Variants in BATF2 observed in about 807,000 individuals in gnomAD.
BATF2 encodes basic leucine zipper transcriptional factor ATF-like 2.
A neutral mutation model predicts 7.3 loss-of-function variants in BATF2; 4 were observed. The ratio of observed to expected loss-of-function variants is 0.55; its 90% CI spans 0.27 to 1.26. The LOEUF (loss-of-function observed/expected upper bound fraction) is 1.26. Ranked by LOEUF, BATF2 falls within the 50% of genes most tolerant of loss-of-function variation. The pLI is 0.11. For missense variants in BATF2, 295 were observed against 340.5 expected (o/e 0.87, Z 1.05); for synonymous variants, 152 against 153.9 (o/e 0.99, Z 0.09).
chr11:64,988,303 A>G lies in BATF2; in HGVS notation c.*826T>C, dbSNP rs1946040236. On this transcript the variant is annotated 3_prime_UTR_variant, in exon 3 of 3. Transcript: ENST00000301887. ...CAGGTACAAGCCCATCCCTGCCTGC[A>G]AATAACCTTGCACAGGGTCCTTCCT... 1 of 152,330 alleles carries G rather than the reference A, an allele frequency of 6.6e-6. No homozygotes were observed. The highest frequency in any genetic ancestry group is 1.9e-4 in the East Asian group (1 of 5,204). 9.4% of individuals were successfully genotyped at this position (152,330 alleles called of 1,614,324 possible). A position where few individuals can be genotyped will look rare whatever the true frequency, so the allele number is the denominator to read the frequency against.
At chr11:64,993,663 C>G (rs1199608584) in intron 2 of BATF2, among the ~76,000 whole-genome samples, 1 of 152,190 alleles carries the variant, frequency 6.6e-6, no homozygotes, top group Non-Finnish European at 1.5e-5. Context: ...CATTTTAACC[C>G]TGAACCAGAG....
intron 2 of BATF2, among the ~76,000 whole-genome samples, chr11:64,991,593 A>T (rs1435310926): frequency 6.6e-6 from 1 of 152,180 alleles, no homozygotes. Context: ...AGGCTCAAGG[A>T]GTAACAATTT....
intron 1 of BATF2, among the ~76,000 whole-genome samples, chr11:64,995,427 G>A (rs1416028266): frequency 6.6e-6 from 1 of 152,212 alleles, no homozygotes; most frequent in Non-Finnish European, 1.5e-5. Context: ...CACCTACTAT[G>A]TTCCAGGCAG....
At position 64,996,917 on chromosome 11, in the gene BATF2, C is replaced by G. The variant is rs1339018157; in HGVS notation, c.-3G>C. On this transcript the variant is annotated 5_prime_UTR_variant, in exon 1 of 3. Transcript: ENST00000301887. ...CCATTGCCCCCACAGAGGTGCATGGCTTAGGCGGGGGAGCAGAGTGGTCCC... is the reference window on the plus strand; with the variant it reads ...CCATTGCCCCCACAGAGGTGCATGGGTTAGGCGGGGGAGCAGAGTGGTCCC... 3 of 1,597,528 alleles carry G rather than the reference C, an allele frequency of 1.9e-6. No individual in the cohort carries two copies. Among genetic ancestry groups the G allele is most frequent in the Non-Finnish European group, 1.7e-6 (2 of 1,170,976 alleles).
chr11:64,990,733 A>G, intron 2 of BATF2: 1 of 638,486 alleles, frequency 1.6e-6, no homozygotes, highest in Non-Finnish European at 1.9e-6. Flanking sequence ...TTTTCTGGAC[A>G]CTTTGAAAGA....
At chr11:64,990,024 C>T (rs10897540) in intron 2 of BATF2, 90,829 of 1,536,238 alleles carry the variant, frequency 0.059, 6,283 homozygotes, top group Admixed American at 0.28. Context: ...GGCTCAGATC[C>T]GCCTGCTGTC....
At chr11:64,990,288 C>A in intron 2 of BATF2, 1 of 1,507,062 alleles carries the variant, frequency 6.6e-7, no homozygotes, top group East Asian at 2.5e-5. Context: ...CCCCTCCCTT[C>A]CTGACCCTCA....
At chr11:64,995,162 G>A (rs1946101868) in intron 1 of BATF2, among the ~76,000 whole-genome samples, 1 of 152,072 alleles carries the variant, frequency 6.6e-6, no homozygotes, top group African/African-American at 2.4e-5. Flanking sequence ...GCCCAGCCGA[G>A]CCCCATATTC....
In BATF2 at chr11:64,996,597, G is replaced by T. The variant is rs1021638740; in HGVS notation, c.39+279C>A. 5.3e-5 allele frequency among the ~76,000 whole-genome samples: 8 copies of T among 152,312 alleles called. No individual in the cohort carries two copies. In the East Asian group the frequency reaches 1.5e-3, roughly 29 times the overall value. On this transcript the variant is annotated intron_variant, in intron 1 of 2. Coordinates refer to ENST00000301887, the MANE Select transcript of BATF2 (RefSeq NM_138456.4). ...AGGCTGCTGTGAGTGTAGTGAGGGG[G>T]GACCAGGTACGTTAGGAGAGAGCAA...
chr11:64,990,358 C>T, intron 2 of BATF2: 2 of 1,449,004 alleles, frequency 1.4e-6, no homozygotes. Flanking sequence ...CCTTCCGCCG[C>T]CCTTCTCTGT....
At chr11:64,990,355 C>A (rs1946066447) in intron 2 of BATF2, 1 of 1,449,252 alleles carries the variant, frequency 6.9e-7, no homozygotes, top group Non-Finnish European at 9.1e-7. Flanking sequence ...CACCCTTCCG[C>A]CGCCCTTCTC....
chr11:64,988,157 C>T lies in BATF2; in HGVS notation c.*972G>A, dbSNP rs965366203. 1 of 152,360 alleles carries T rather than the reference C, an allele frequency of 6.6e-6. No individual in the cohort carries two copies. The highest frequency in any genetic ancestry group is 1.9e-4 in the East Asian group (1 of 5,188). 9.4% of individuals were successfully genotyped at this position (152,360 alleles called of 1,614,324 possible). ...TGAAGCAGACACCAAAACTGAACTT[C>T]CACCCGGTCATGGGCCCTGCTCTTC... On this transcript the variant is annotated 3_prime_UTR_variant, in exon 3 of 3. Transcript: ENST00000301887.
At chr11:64,990,800 C>CT (rs1214001389) in intron 2 of BATF2, among the ~76,000 whole-genome samples, 5 of 151,422 alleles carry the variant, frequency 3.3e-5, no homozygotes, top group Non-Finnish European at 7.4e-5. Flanking sequence ...ACTCAAAGTT[C>CT]TTTTTTTTGA....
intron 2 of BATF2, 54 bp downstream of exon 2, chr11:64,994,394 C>T: frequency 6.6e-7 from 1 of 1,512,068 alleles, no homozygotes; most frequent in Non-Finnish European, 9.0e-7. Flanking sequence ...GAAGAGGTGG[C>T]TGGGCCAGTA....
Position 64,989,490 on chromosome 11 carries a change from G to A in BATF2, c.464C>T (p.Ser155Leu). Residue 155 changes from serine (S) to leucine (L), a missense_variant, in exon 3 of 3, where the codon TCA becomes TTA. Transcript: ENST00000301887. This position sits in a 1 kb window ranked among gnomAD's most constrained non-coding sequence, Gnocchi z 4.3. Reference protein sequence around the residue: ...SPSLLQCPLPSLSLGPAVVAE... With the variant: ...SPSLLQCPLPLLSLGPAVVAE... ...AACCACAGCGGGGCCAAGGGACAGT[G>A]AGGGCAGGGGGCACTGGAGGAGGCT... 6.2e-7 allele frequency: 1 copy of A among 1,608,712 alleles called. No individual in the cohort carries two copies. The highest frequency in any genetic ancestry group is 8.5e-7 in the Non-Finnish European group (1 of 1,177,514).
At position 64,994,450 on chromosome 11, in the gene BATF2, G is replaced by C. The variant is rs199793909; in HGVS notation, c.139C>G (p.Gln47Glu). ...KHTDKADALH[Q>E]QHESLEKDNL... ...AAGGGGTTAGGGGTTGTCCACACCT[G>C]GTGCAGGGCGTCTGCCTTGTCTGTG... is the stretch of plus-strand genomic sequence containing the variant. Residue 47 changes from glutamine (Q) to glutamate (E), a missense_variant and splice_region_variant, in exon 2 of 3, where the codon CAG becomes GAG. Transcript: ENST00000301887. 2 of 1,578,040 alleles carry C rather than the reference G, an allele frequency of 1.3e-6. No homozygotes were observed. The highest frequency in any genetic ancestry group is 1.7e-6 in the Non-Finnish European group (2 of 1,161,484).
intron 1 of BATF2, among the ~76,000 whole-genome samples, chr11:64,995,655 G>A (rs1380665345): frequency 6.6e-6 from 1 of 152,226 alleles, no homozygotes; most frequent in Non-Finnish European, 1.5e-5. Context: ...GTCAGAGCAA[G>A]AGGGACTGTT....
At chr11:64,996,792 C>G (rs1484501480) in intron 1 of BATF2, 84 bp downstream of exon 1, 1 of 1,549,496 alleles carries the variant, frequency 6.5e-7, no homozygotes, top group Non-Finnish European at 8.9e-7. Flanking sequence ...TAGGAGCTCC[C>G]GACTGCAGCC....
intron 2 of BATF2, among the ~76,000 whole-genome samples, chr11:64,994,151 T>C (rs1946094823): frequency 6.6e-6 from 1 of 152,162 alleles, no homozygotes; most frequent in South Asian, 2.1e-4. Context: ...GGGGTCTCCC[T>C]ATTTGCCTCC....
Sources: allele counts gnomAD v4.1 joint callset (sites outside exome capture counted in the v4.1 genomes callset), GRCh38; gene constraint gnomAD v4.1.1; non-coding constraint Gnocchi (gnomAD v3.1); transcripts MANE v1.5; gene names NCBI Gene and HGNC (gene_info 2026-07-23, HGNC 2026-07-21).